TANGO6: variants seen among roughly 807,000 people sequenced by gnomAD.
TANGO6 encodes the protein transport and Golgi organization protein 6 homolog.
Under a neutral mutation model 114.2 loss-of-function variants are expected in TANGO6, and 90 were observed. The observed-to-expected ratio is 0.79, with a 90% confidence interval of 0.66 to 0.94. The LOEUF (loss-of-function observed/expected upper bound fraction) is 0.94, where lower values mean the gene tolerates loss of function less well. TANGO6 is among the 40% of genes least tolerant of loss of function. The probability of loss-of-function intolerance (pLI) is 0.00; values close to 1 mark genes in which losing one functional copy is unlikely to be tolerated. For synonymous variants in TANGO6, 477 were observed against 509.8 expected, an observed-to-expected ratio of 0.94 and a Z score of 0.87; for missense variants, 1,274 against 1,315.3, an observed-to-expected ratio of 0.97 and a Z score of 0.49.
At chr16:68,870,565 T>C (rs913066068) in intron 4 of TANGO6, among the ~76,000 whole-genome samples, 1 of 152,146 alleles carries the variant, frequency 6.6e-6, no homozygotes, top group African/African-American at 2.4e-5. Flanking sequence ...TATAAGAAAA[T>C]CAGAACCCTC....
intron 15 of TANGO6, among the ~76,000 whole-genome samples, chr16:69,018,301 G>T (rs1311444319): frequency 2.0e-5 from 3 of 151,010 alleles, no homozygotes; most frequent in African/African-American, 7.3e-5. Context: ...CCGCCACCAC[G>T]CCTGGCTAAT....
chr16:68,920,622 T>C (rs1963077061), intron 12 of TANGO6, among the ~76,000 whole-genome samples: 1 of 152,098 alleles, frequency 6.6e-6, no homozygotes, highest in Non-Finnish European at 1.5e-5. Flanking sequence ...TAGGATACCC[T>C]CTGGGAATGG....
Position 68,867,131 on chromosome 16 carries a change from G to A in TANGO6, c.905G>A (p.Arg302Gln), listed in dbSNP as rs200522756. The change falls in exon 4 of 18, where the codon CGG becomes CAG. Residue 302 changes from arginine to glutamine, a missense_variant. Transcript: ENST00000261778. Reference protein sequence around the residue: ...QMRCRAPAWLRRLCGQLLSER... With the variant: ...QMRCRAPAWLQRLCGQLLSER... ...AGGTGTCGGGCCCCAGCTTGGCTTC[G>A]GCGTCTATGTGGACAGCTGCTCTCT... is the stretch of plus-strand genomic sequence containing the variant. 80 of 1,613,788 alleles carry A rather than the reference G, an allele frequency of 5.0e-5. No individual in the cohort carries two copies. In the African/African-American group the frequency reaches 7.6e-4, roughly 15 times the overall value.
intron 7 of TANGO6, among the ~76,000 whole-genome samples, chr16:68,890,571 G>A (rs1387514296): frequency 6.6e-6 from 1 of 152,208 alleles, no homozygotes; most frequent in East Asian, 1.9e-4. Flanking sequence ...CAATGTCATG[G>A]AAGTCTATGA....
intron 14 of TANGO6, among the ~76,000 whole-genome samples, chr16:68,968,795 C>G (rs879493434): frequency 6.6e-6 from 1 of 151,648 alleles, no homozygotes; most frequent in African/African-American, 2.4e-5. Flanking sequence ...CTCAGCCTCC[C>G]GAGTAGCTGG....
chr16:68,962,775 TAATAA>T (rs1285713532), intron 14 of TANGO6, among the ~76,000 whole-genome samples: 7 of 150,212 alleles, frequency 4.7e-5, no homozygotes, highest in African/African-American at 1.5e-4. Flanking sequence ...AAAATAATAA[TAATAA>T]AATAAAGAGT....
At chr16:68,978,007 A>G (rs1408046002) in intron 15 of TANGO6, among the ~76,000 whole-genome samples, 1 of 152,044 alleles carries the variant, frequency 6.6e-6, no homozygotes, top group Non-Finnish European at 1.5e-5. Context: ...TTAAAAATAC[A>G]TTTTTTTCTA....
intron 14 of TANGO6, among the ~76,000 whole-genome samples, chr16:68,971,701 G>A (rs1020074203): frequency 2.0e-5 from 3 of 149,382 alleles, no homozygotes; most frequent in African/African-American, 7.4e-5. Context: ...GTGTGATCTC[G>A]GCTCACTGCA....
At chr16:68,993,042 C>T (rs546365511) in intron 15 of TANGO6, among the ~76,000 whole-genome samples, 31 of 151,054 alleles carry the variant, frequency 2.1e-4, no homozygotes, top group Non-Finnish European at 4.0e-4. Flanking sequence ...CACTCCAGCC[C>T]GGGTGACAGA....
At chr16:69,077,427 A>G (rs1412305811) in intron 17 of TANGO6, among the ~76,000 whole-genome samples, 2 of 152,152 alleles carry the variant, frequency 1.3e-5, no homozygotes, top group African/African-American at 4.8e-5. Flanking sequence ...TTGAGAGACT[A>G]GCCAGGAGTG....
intron 17 of TANGO6, among the ~76,000 whole-genome samples, chr16:69,066,572 C>T (rs1960215917): frequency 6.6e-6 from 1 of 152,164 alleles, no homozygotes; most frequent in Non-Finnish European, 1.5e-5. Context: ...GCTGGGATTA[C>T]AGGCATAAGC....
intron 15 of TANGO6, among the ~76,000 whole-genome samples, chr16:68,977,912 C>T (rs1449559470): frequency 6.6e-6 from 1 of 151,982 alleles, no homozygotes; most frequent in Non-Finnish European, 1.5e-5. Flanking sequence ...TCTCGAACTC[C>T]TGACCTCAGG....
At chr16:69,030,549 A>G (rs79261630) in intron 16 of TANGO6, among the ~76,000 whole-genome samples, 1 of 152,184 alleles carries the variant, frequency 6.6e-6, no homozygotes, top group South Asian at 2.1e-4. Context: ...GTGGTGGCAG[A>G]AGCTAAGGCA....
At chr16:68,998,338 G>A (rs1374926622) in intron 15 of TANGO6, among the ~76,000 whole-genome samples, 1 of 152,118 alleles carries the variant, frequency 6.6e-6, no homozygotes, top group African/African-American at 2.4e-5. Flanking sequence ...AAAAACAATG[G>A]ATGTGATTAG....
At position 68,893,610 on chromosome 16, in the gene TANGO6, C is replaced by A. The variant is rs149096521; in HGVS notation, c.1378-6824C>A. On this transcript the variant is annotated intron_variant, in intron 7 of 17. Coordinates refer to ENST00000261778, the MANE Select transcript of TANGO6 (RefSeq NM_024562.2). ...AATTAGCCGGGCGTGGTGGCACGCA[C>A]CTGTAATCCCACCTACTTGGGAGGC... Among the ~76,000 whole-genome samples the A allele has an allele frequency of 3.6e-3, 541 of 151,820 alleles. 6 individuals carry two copies. The highest frequency in any genetic ancestry group is 0.012 in the African/African-American group (499 of 41,388).
rs115096718 is a variant in TANGO6, at chr16:68,972,287, C to T, written c.2702-1741C>T. Among the ~76,000 whole-genome samples the T allele has an allele frequency of 8.9e-3, 1,359 of 152,166 alleles. 19 individuals carry two copies. Among genetic ancestry groups the T allele is most frequent in the African/African-American group, 0.031 (1,289 of 41,532 alleles). ...AGGATGGGCAGACAGGTGCAGCCCT[C>T]AGCAGGTGCTCCGCCTTCACAGCTC... On this transcript the variant is annotated intron_variant, in intron 14 of 17. Transcript: ENST00000261778.
chr16:68,899,305 C>G (rs1962752699), intron 7 of TANGO6, among the ~76,000 whole-genome samples: 1 of 151,884 alleles, frequency 6.6e-6, no homozygotes, highest in Non-Finnish European at 1.5e-5. Flanking sequence ...TTTTATTCTT[C>G]CCATATATCA....
chr16:68,844,482 G>A (rs1961773183), intron 1 of TANGO6, among the ~76,000 whole-genome samples: 1 of 152,104 alleles, frequency 6.6e-6, no homozygotes, highest in African/African-American at 2.4e-5. Context: ...GGAAGATAGA[G>A]CTCTGCTTAT....
At chr16:69,060,242 T>G (rs1960094003) in intron 17 of TANGO6, among the ~76,000 whole-genome samples, 1 of 152,160 alleles carries the variant, frequency 6.6e-6, no homozygotes. Flanking sequence ...GCTCTTGAAC[T>G]CCTGGGCTCA....
Sources: gnomAD v4.1 joint callset for allele counts (sites outside exome capture counted in the v4.1 genomes callset) on GRCh38, gnomAD v4.1.1 for gene constraint, MANE v1.5 for transcripts, NCBI Gene and HGNC (gene_info 2026-07-23, HGNC 2026-07-21) for gene names.